Variants in AGBL4 observed in about 807,000 individuals in gnomAD.
AGBL4 encodes the protein AGBL carboxypeptidase 4, also known as cytosolic carboxypeptidase 6.
In AGBL4, 58 loss-of-function variants were observed where a neutral mutation model predicts 66.4. That is an observed-to-expected ratio of 0.87 (90% CI 0.71 to 1.09). The LOEUF (loss-of-function observed/expected upper bound fraction) is 1.09, where lower values mean the gene tolerates loss of function less well. AGBL4 is among the 50% of genes least tolerant of loss of function. AGBL4 has a pLI of 0.00. For synonymous variants in AGBL4, 234 were observed against 222.9 expected, an observed-to-expected ratio of 1.05 and a Z score of -0.44; for missense variants, 579 against 631.0, an observed-to-expected ratio of 0.92 and a Z score of 0.88.
chr1:49,403,629 A>G (rs1645135083), intron 3 of AGBL4, among the ~76,000 whole-genome samples: 1 of 152,110 alleles, frequency 6.6e-6, no homozygotes, highest in Admixed American at 6.5e-5. Context: ...CATGTTTTCC[A>G]GGATTATCTT....
intron 3 of AGBL4, among the ~76,000 whole-genome samples, chr1:49,296,653 C>T (rs1644649075): frequency 6.6e-6 from 1 of 152,150 alleles, no homozygotes; most frequent in Admixed American, 6.5e-5. Context: ...GGTCATAGCC[C>T]TGTGAGTTGC....
chr1:49,598,591 A>G (rs192113218), intron 3 of AGBL4, among the ~76,000 whole-genome samples: 24 of 152,076 alleles, frequency 1.6e-4, no homozygotes, highest in Admixed American at 7.2e-4. Context: ...GTCTCAGAGG[A>G]GTACCCGGCC....
intron 6 of AGBL4, among the ~76,000 whole-genome samples, chr1:48,774,440 C>A (rs1446498930): frequency 1.3e-5 from 2 of 152,134 alleles, no homozygotes; most frequent in East Asian, 1.9e-4. Flanking sequence ...GATCAAAATT[C>A]AAAATGTGGT....
At chr1:49,242,979 C>T (rs998451100) in intron 4 of AGBL4, among the ~76,000 whole-genome samples, 2 of 151,404 alleles carry the variant, frequency 1.3e-5, no homozygotes, top group Non-Finnish European at 3.0e-5. Context: ...ATGTTTGTTT[C>T]ATCTTGAAAA....
chr1:49,884,026 T>C (rs1647732382), intron 1 of AGBL4, among the ~76,000 whole-genome samples: 2 of 152,160 alleles, frequency 1.3e-5, no homozygotes. Flanking sequence ...TTATTGTTGC[T>C]ATGGAATAAC....
chr1:49,607,427 C>T lies in AGBL4; in HGVS notation c.282+89886G>A, dbSNP rs140111833. Among the ~76,000 whole-genome samples the T allele has an allele frequency of 2.0e-5, 3 of 152,196 alleles. No individual in the cohort carries two copies. In the East Asian group the frequency reaches 5.8e-4, roughly 29 times the overall value. On this transcript the variant is annotated intron_variant, in intron 3 of 13. Transcript: ENST00000371839. ...CAGATAGTTAGTTCAGCACAGAGTC[C>T]TCAAAATGAGCCCTGCATATTCATC...
At chr1:49,641,534 T>C (rs1252287077) in intron 3 of AGBL4, among the ~76,000 whole-genome samples, 1 of 152,112 alleles carries the variant, frequency 6.6e-6, no homozygotes, top group Non-Finnish European at 1.5e-5. Flanking sequence ...GCTAGCAAAA[T>C]TATCTTATCT....
chr1:49,180,092 G>A (rs958759368), intron 4 of AGBL4, among the ~76,000 whole-genome samples: 1 of 152,016 alleles, frequency 6.6e-6, no homozygotes, highest in African/African-American at 2.4e-5. Flanking sequence ...GTAGAGACGA[G>A]GTTTCTCCAT....
chr1:48,659,791 G>A (rs956662910), intron 7 of AGBL4, among the ~76,000 whole-genome samples: 10 of 152,206 alleles, frequency 6.6e-5, no homozygotes, highest in African/African-American at 2.2e-4. Flanking sequence ...CCCTGGCACC[G>A]GCCATGTGCT....
intron 5 of AGBL4, among the ~76,000 whole-genome samples, chr1:48,915,026 C>T (rs907099038): frequency 1.3e-5 from 2 of 152,244 alleles, no homozygotes; most frequent in Non-Finnish European, 2.9e-5. Context: ...GTAAAGCAGA[C>T]TGATTCGTCC....
intron 4 of AGBL4, among the ~76,000 whole-genome samples, chr1:49,184,859 G>A (rs1213452227): frequency 5.9e-5 from 9 of 152,064 alleles, no homozygotes; most frequent in Non-Finnish European, 1.2e-4. Context: ...TGAAAGATAC[G>A]GACAATGAAA....
At chr1:48,965,264 G>A (rs371295014) in intron 5 of AGBL4, among the ~76,000 whole-genome samples, 1 of 152,120 alleles carries the variant, frequency 6.6e-6, no homozygotes, top group African/African-American at 2.4e-5. Context: ...TTATGGGGCT[G>A]GAGTTAGAGC....
chr1:49,717,789 G>A (rs1247099922), intron 2 of AGBL4, among the ~76,000 whole-genome samples: 2 of 151,864 alleles, frequency 1.3e-5, no homozygotes, highest in Non-Finnish European at 2.9e-5. Flanking sequence ...AATCTCTGTT[G>A]AGCAAATGTA....
chr1:49,229,362 A>G (rs2148293434), intron 4 of AGBL4, among the ~76,000 whole-genome samples: 1 of 152,360 alleles, frequency 6.6e-6, no homozygotes, highest in Non-Finnish European at 1.5e-5. Context: ...AGAAAGGAAG[A>G]ACATTTTTTA....
At chr1:48,888,538 C>G (rs962002446) in intron 5 of AGBL4, among the ~76,000 whole-genome samples, 2 of 152,150 alleles carry the variant, frequency 1.3e-5, no homozygotes, top group Non-Finnish European at 2.9e-5. Context: ...AACCTGACAT[C>G]CAAGGAAGGC....
chr1:49,549,241 C>T (rs913305546), intron 3 of AGBL4, among the ~76,000 whole-genome samples: 1 of 150,526 alleles, frequency 6.6e-6, no homozygotes, highest in Non-Finnish European at 1.5e-5. Context: ...AAAGAACCAG[C>T]TTTTTATCTT....
intron 4 of AGBL4, among the ~76,000 whole-genome samples, chr1:49,166,182 C>T (rs1479189101): frequency 6.6e-6 from 1 of 152,094 alleles, no homozygotes. Context: ...AAATTAACTG[C>T]CTTCAACTTG....
intron 5 of AGBL4, among the ~76,000 whole-genome samples, chr1:49,012,542 A>G (rs1662521328): frequency 6.6e-6 from 1 of 152,170 alleles, no homozygotes; most frequent in African/African-American, 2.4e-5. Context: ...CATAATCCAA[A>G]CCCATAGCTC....
At chr1:49,415,185 A>C (rs1407581470) in intron 3 of AGBL4, among the ~76,000 whole-genome samples, 2 of 152,130 alleles carry the variant, frequency 1.3e-5, no homozygotes, top group Non-Finnish European at 2.9e-5. Flanking sequence ...TTATGTCAAA[A>C]GAGAGGAACA....
Sources: allele counts gnomAD v4.1 joint callset (sites outside exome capture counted in the v4.1 genomes callset), GRCh38; gene constraint gnomAD v4.1.1; transcripts MANE v1.5; gene names NCBI Gene and HGNC (gene_info 2026-07-23, HGNC 2026-07-21).